The following ADGRL3 variants were observed in gnomAD, a reference collection of about 807,000 sequenced individuals.
ADGRL3 encodes adhesion G protein-coupled receptor L3, also known as calcium-independent alpha-latrotoxin receptor 3.
Under a neutral mutation model 153.5 loss-of-function variants are expected in ADGRL3, and 62 were observed. That is an observed-to-expected ratio of 0.40 (90% CI 0.33 to 0.50). The LOEUF is 0.50. Ranked by LOEUF, ADGRL3 falls within the 20% of genes least tolerant of loss-of-function variation. ADGRL3 has a pLI of 0.47. For missense variants in ADGRL3, 1,641 were observed against 1,859.4 expected, an observed-to-expected ratio of 0.88 and a Z score of 2.16; for synonymous variants, 710 against 672.5, an observed-to-expected ratio of 1.06 and a Z score of -0.86.
chr4:61,389,857 T>C (rs1034617850), intron 2 of ADGRL3, among the ~76,000 whole-genome samples: 6 of 152,268 alleles, frequency 3.9e-5, no homozygotes, highest in African/African-American at 1.4e-4. Flanking sequence ...TAAAGATAAG[T>C]CTGGCATTCG....
rs547008408 is a variant in ADGRL3 at position 61,277,065 on chromosome 4, GT to G, written c.-240+75307del. Among the ~76,000 whole-genome samples the G allele has an allele frequency of 3.5e-3, 532 of 152,078 alleles. 4 individuals carry two copies. The highest frequency in any genetic ancestry group is 0.012 in the African/African-American group (506 of 41,506). ...AAGATAAGTCTGAATTTTAGCAAGT[GT>G]TTTTTTGATGGTTTCTGACTACCTA... On this transcript the variant is annotated intron_variant, in intron 1 of 26. Transcript: ENST00000683033.
intron 13 of ADGRL3, among the ~76,000 whole-genome samples, chr4:61,931,821 T>G (rs2098818698): frequency 6.6e-6 from 1 of 152,144 alleles, no homozygotes; most frequent in Non-Finnish European, 1.5e-5. Context: ...ATACACTTGT[T>G]GAAAACTTAT....
chr4:61,699,189 T>G (rs976435810), intron 6 of ADGRL3, among the ~76,000 whole-genome samples: 5 of 152,234 alleles, frequency 3.3e-5, no homozygotes, highest in African/African-American at 1.2e-4. Flanking sequence ...AGGAGAAAAC[T>G]GAATTCTCCA....
At chr4:61,366,477 T>C (rs536653333) in intron 1 of ADGRL3, among the ~76,000 whole-genome samples, 1 of 152,304 alleles carries the variant, frequency 6.6e-6, no homozygotes, top group South Asian at 2.1e-4. Flanking sequence ...ATAGCCGTAA[T>C]AAATAGCATC....
intron 13 of ADGRL3, among the ~76,000 whole-genome samples, chr4:61,929,162 G>A (rs1182224334): frequency 1.3e-5 from 2 of 152,054 alleles, no homozygotes; most frequent in Non-Finnish European, 2.9e-5. Context: ...GGGGTGATTA[G>A]GCCAAGAGAA....
intron 13 of ADGRL3, among the ~76,000 whole-genome samples, chr4:61,930,684 A>C (rs1016915334): frequency 4.6e-5 from 7 of 152,152 alleles, no homozygotes; most frequent in Non-Finnish European, 8.8e-5. Context: ...GCAAATGTGT[A>C]TCTAGTAGGA....
chr4:61,256,172 T>C (rs1173198925), intron 1 of ADGRL3, among the ~76,000 whole-genome samples: 1 of 152,226 alleles, frequency 6.6e-6, no homozygotes, highest in African/African-American at 2.4e-5. Flanking sequence ...GATAAGTTTT[T>C]CTTCTGTTCT....
intron 9 of ADGRL3, among the ~76,000 whole-genome samples, chr4:61,829,495 C>G (rs1413246907): frequency 1.3e-5 from 2 of 152,082 alleles, no homozygotes; most frequent in Non-Finnish European, 2.9e-5. Context: ...ATGCCCGTAT[C>G]TGTTTAAAAT....
At chr4:61,948,700 C>T (rs1213639422) in intron 17 of ADGRL3, among the ~76,000 whole-genome samples, 1 of 152,046 alleles carries the variant, frequency 6.6e-6, no homozygotes, top group Admixed American at 6.6e-5. Flanking sequence ...CCCTCAAGCA[C>T]GATACCCAGA....
intron 1 of ADGRL3, among the ~76,000 whole-genome samples, chr4:61,278,435 T>TG (rs2093581505): frequency 6.6e-6 from 1 of 152,208 alleles, no homozygotes; most frequent in Admixed American, 6.5e-5. Context: ...GTCTCAGTGT[T>TG]GAAAATCAGA....
At chr4:61,946,334 A>T (rs541200346) in intron 15 of ADGRL3, among the ~76,000 whole-genome samples, 3 of 152,034 alleles carry the variant, frequency 2.0e-5, no homozygotes, top group East Asian at 3.9e-4. Context: ...ATCATTTTTC[A>T]TGTGTCTATT....
At chr4:62,006,872 T>C (rs1360091188) in intron 21 of ADGRL3, among the ~76,000 whole-genome samples, 1 of 152,098 alleles carries the variant, frequency 6.6e-6, no homozygotes, top group East Asian at 1.9e-4. Context: ...GAATGGCCAC[T>C]GCTGGAAGTA....
chr4:61,441,158 T>A (rs2097524402), intron 2 of ADGRL3, among the ~76,000 whole-genome samples: 1 of 152,216 alleles, frequency 6.6e-6, no homozygotes, highest in African/African-American at 2.4e-5. Context: ...TTTCTTCTGA[T>A]CTCTGATCTG....
intron 21 of ADGRL3, among the ~76,000 whole-genome samples, chr4:62,006,003 C>T (rs11937650): frequency 0.17 from 8,244 of 48,122 alleles, 539 homozygotes; most frequent in Non-Finnish European, 0.22. Context: ...CACACACACA[C>T]ATATATATAT....
At chr4:61,401,591 G>T (rs539961444) in intron 2 of ADGRL3, among the ~76,000 whole-genome samples, 48 of 152,012 alleles carry the variant, frequency 3.2e-4, no homozygotes, top group Middle Eastern at 3.4e-3. Flanking sequence ...TTTAAGTTTT[G>T]CTAAGTTTAT....
chr4:61,586,320 T>A (rs2098946484), intron 4 of ADGRL3, among the ~76,000 whole-genome samples: 1 of 152,030 alleles, frequency 6.6e-6, no homozygotes, highest in African/African-American at 2.4e-5. Context: ...CCTTGCAGTA[T>A]TATGACACAA....
chr4:61,321,258 T>G (rs1231722649), intron 1 of ADGRL3, among the ~76,000 whole-genome samples: 2 of 152,102 alleles, frequency 1.3e-5, no homozygotes, highest in African/African-American at 4.8e-5. Flanking sequence ...GACAAAGAAA[T>G]GTATGTTCAT....
At chr4:61,711,787 A>C (rs987083749) in intron 6 of ADGRL3, among the ~76,000 whole-genome samples, 2 of 152,014 alleles carry the variant, frequency 1.3e-5, no homozygotes, top group East Asian at 3.9e-4. Context: ...TGGTTGGCGG[A>C]GACTTCACTA....
At chr4:62,068,396 G>C (rs1744115676) in intron 26 of ADGRL3, among the ~76,000 whole-genome samples, 1 of 152,086 alleles carries the variant, frequency 6.6e-6, no homozygotes, top group African/African-American at 2.4e-5. Flanking sequence ...CAACATAGTT[G>C]TTAAGTTTCA....
Sources: allele counts gnomAD v4.1 joint callset (sites outside exome capture counted in the v4.1 genomes callset), GRCh38; gene constraint gnomAD v4.1.1; transcripts MANE v1.5; gene names NCBI Gene and HGNC (gene_info 2026-07-23, HGNC 2026-07-21).